The following TTLL10 variants were observed in gnomAD, a reference collection of about 807,000 sequenced individuals.
TTLL10 encodes the protein tubulin tyrosine ligase like 10, also known as inactive polyglycylase TTLL10.
A neutral mutation model predicts 69.0 loss-of-function variants in TTLL10; 61 were observed. The observed-to-expected ratio is 0.88, with a 90% CI of 0.72 to 1.09. TTLL10 has a LOEUF of 1.09. TTLL10 is among the 50% of genes least tolerant of loss of function. The probability of loss-of-function intolerance (pLI) is 0.00; values close to 1 mark genes in which losing one functional copy is unlikely to be tolerated. For synonymous variants in TTLL10, 408 were observed against 393.3 expected, an observed-to-expected ratio of 1.04 and a Z score of -0.44; for missense variants, 962 against 945.9, an observed-to-expected ratio of 1.02 and a Z score of -0.22.
Position 1,181,658 on chromosome 1 carries a change from C to T in TTLL10, c.756-83C>T. ...ACTCACAGTCCGCCCACTCACCACC[C>T]ATGCCCCATCCCCCAGTCCCCACCC... is the stretch of plus-strand genomic sequence containing the variant. On this transcript the variant is annotated intron_variant, in intron 8 of 15. Coordinates refer to ENST00000379289, the MANE Select transcript of TTLL10 (RefSeq NM_001130045.2). This position sits in a 1 kb window ranked among gnomAD's most constrained non-coding sequence, Gnocchi z 4.6. 3 of 1,313,572 alleles carry T rather than the reference C, an allele frequency of 2.3e-6. No homozygotes were observed. Among genetic ancestry groups the T allele is most frequent in the South Asian group, 2.7e-5 (2 of 74,210 alleles). 81.4% of individuals were successfully genotyped at this position (1,313,572 alleles called of 1,614,324 possible). A position where few individuals can be genotyped will look rare whatever the true frequency, so the allele number is the denominator to read the frequency against.
rs747044247 is a variant in TTLL10 at position 1,180,226 on chromosome 1, C to T, written c.392C>T (p.Ala131Val). 2 of 1,609,316 alleles carry T rather than the reference C, an allele frequency of 1.2e-6. No individual in the cohort carries two copies. The highest frequency in any genetic ancestry group is 1.1e-5 in the South Asian group (1 of 90,508). ...GCAGACTCGGATGACACTAACGCCG[C>T]CGGGCCCTCAGCTGCCCTCCTGGAG... The part of the protein sequence containing the change: ...RPADSDDTNA[A>V]GPSAALLEGL... Residue 131 changes from alanine to valine, a missense_variant, in exon 6 of 16, where the codon GCC (alanine) becomes GTC (valine). Physicochemically the swap from Ala to Val is moderately conservative, Grantham distance 64. Transcript: ENST00000379289.
intron 13 of TTLL10, among the ~76,000 whole-genome samples, chr1:1,195,707 T>G (rs1051130140): frequency 3.3e-5 from 5 of 151,806 alleles, no homozygotes; most frequent in African/African-American, 1.2e-4. Flanking sequence ...TGGCACAATC[T>G]CAGCTTACCA....
At chr1:1,182,474 C>A in intron 10 of TTLL10, 28 bp downstream of exon 10, 1 of 1,611,084 alleles carries the variant, frequency 6.2e-7, no homozygotes, top group Non-Finnish European at 8.5e-7. Context: ...GGACACCAGG[C>A]TGGCCCTGGG....
chr1:1,179,933 G>A, intron 5 of TTLL10, 101 bp from the exon 6 acceptor site: 4 of 1,441,114 alleles, frequency 2.8e-6, no homozygotes, highest in Admixed American at 2.8e-5. Flanking sequence ...GGATTGTCCA[G>A]GGTATTGGAG....
chr1:1,184,116 C>A (rs1405391816), intron 12 of TTLL10, 25 bp downstream of exon 12: 1 of 1,613,834 alleles, frequency 6.2e-7, no homozygotes. Flanking sequence ...GGTGAGGGCC[C>A]TCCCTGCAGC....
chr1:1,185,269 T>C lies in TTLL10; in HGVS notation c.1401+160T>C, dbSNP rs1230404550. 15 of 1,420,538 alleles carry C rather than the reference T, an allele frequency of 1.1e-5. No homozygotes were observed. The highest frequency in any genetic ancestry group is 1.4e-5 in the Non-Finnish European group (15 of 1,089,112). 88.0% of individuals were successfully genotyped at this position (1,420,538 alleles called of 1,614,324 possible). Reference sequence around the variant, plus strand: ...AACCAAACCCTTCCAGCGTCTCTGCTCACTTAGCTGGCAGTGCCTGTCCCC... The same window carrying C: ...AACCAAACCCTTCCAGCGTCTCTGCCCACTTAGCTGGCAGTGCCTGTCCCC... On this transcript the variant is annotated intron_variant, in intron 13 of 15. Coordinates refer to ENST00000379289, the MANE Select transcript of TTLL10 (RefSeq NM_001130045.2). This position sits in a 1 kb window ranked among gnomAD's most constrained non-coding sequence, Gnocchi z 6.1.
chr1:1,174,345 C>G (rs1269077263), intron 2 of TTLL10, 24 bp downstream of exon 2: 1 of 152,696 alleles, frequency 6.5e-6, no homozygotes. Flanking sequence ...TAGGGCCCCA[C>G]GTGGCCAAGC....
intron 13 of TTLL10, among the ~76,000 whole-genome samples, chr1:1,186,792 C>T (rs1387120912): frequency 6.6e-6 from 1 of 151,846 alleles, no homozygotes; most frequent in Non-Finnish European, 1.5e-5. Flanking sequence ...AATGTCTATT[C>T]AAACGCTGTG....
rs1647262601 is a variant in TTLL10 at position 1,185,622 on chromosome 1, C to T, written c.1401+513C>T. On this transcript the variant is annotated intron_variant, in intron 13 of 15. Transcript: ENST00000379289. This position sits in a 1 kb window ranked among gnomAD's most constrained non-coding sequence, Gnocchi z 6.1. ...TCAAACAGCCCTAGCAGCAAAGGCCCTTGAGCAGCGCGGTGTGAAACTGGG... is the reference window on the plus strand; with the variant it reads ...TCAAACAGCCCTAGCAGCAAAGGCCTTTGAGCAGCGCGGTGTGAAACTGGG... The T allele has an allele frequency of 2.0e-6, 2 of 987,190 alleles. No homozygotes were observed. The highest frequency in any genetic ancestry group is 2.4e-6 in the Non-Finnish European group (2 of 831,216). The allele number at this position is 987,190 out of a possible 1,614,324, so 61.2% of individuals were successfully genotyped here.
Position 1,185,129 on chromosome 1 carries a change from C to T in TTLL10, c.1401+20C>T. ...CTCAAGGTGCGTCCACTGTGCCCTCCAGTCTGGGAGTGAGATCCCTCGGGG... is the reference window on the plus strand; with the variant it reads ...CTCAAGGTGCGTCCACTGTGCCCTCTAGTCTGGGAGTGAGATCCCTCGGGG... On this transcript the variant is annotated intron_variant, in intron 13 of 15. Coordinates refer to ENST00000379289, the MANE Select transcript of TTLL10 (RefSeq NM_001130045.2). This position sits in a 1 kb window ranked among gnomAD's most constrained non-coding sequence, Gnocchi z 6.1. 6.2e-7 allele frequency: 1 copy of T among 1,608,854 alleles called. No individual in the cohort carries two copies. The highest frequency in any genetic ancestry group is 8.5e-7 in the Non-Finnish European group (1 of 1,176,882).
Position 1,180,716 on chromosome 1 carries a change from G to A in TTLL10, c.626-15G>A, listed in dbSNP as rs761759932. The A allele has an allele frequency of 8.1e-6, 13 of 1,600,156 alleles. No homozygotes were observed. The highest frequency in any genetic ancestry group is 5.1e-5 in the Admixed American group (3 of 59,018). ...CTGCGCTCCCTCCACACGAGCCCTG[G>A]CCTCTGACCTCCAGGAGAGCAGCTG... is the stretch of plus-strand genomic sequence containing the variant. On this transcript the variant is annotated splice_polypyrimidine_tract_variant and intron_variant, in intron 7 of 15. Coordinates refer to ENST00000379289, the MANE Select transcript of TTLL10 (RefSeq NM_001130045.2).
At position 1,194,784 on chromosome 1, in the gene TTLL10, G is replaced by A. The variant is rs563319570; in HGVS notation, c.1402-1816G>A. ...TGCTGATGAGGTGGTGGATCTCTGA[G>A]TTTATCCTACTTTGAGTTCATTGAG... is the stretch of plus-strand genomic sequence containing the variant. On this transcript the variant is annotated intron_variant, in intron 13 of 15. Transcript: ENST00000379289. Among the ~76,000 whole-genome samples, 8 of 152,256 alleles carry A rather than the reference G, an allele frequency of 5.3e-5. No homozygotes were observed. The East Asian group carries it at 1.5e-3, about 29-fold the overall frequency.
Position 1,185,945 on chromosome 1 carries a change from A to G in TTLL10, c.1401+836A>G, listed in dbSNP as rs1269408470. The G allele has an allele frequency of 1.6e-6, 1 of 632,352 alleles. No individual in the cohort carries two copies. Among genetic ancestry groups the G allele is most frequent in the African/African-American group, 2.0e-5 (1 of 50,252 alleles). The allele number at this position is 632,352 out of a possible 1,614,324, so 39.2% of individuals were successfully genotyped here. A position where few individuals can be genotyped will look rare whatever the true frequency, so the allele number is the denominator to read the frequency against. On this transcript the variant is annotated intron_variant, in intron 13 of 15. Coordinates refer to ENST00000379289, the MANE Select transcript of TTLL10 (RefSeq NM_001130045.2). This position sits in a 1 kb window ranked among gnomAD's most constrained non-coding sequence, Gnocchi z 6.1. ...TTCCAGAACATTTCATCACCTCAAA[A>G]AAGAAACACTACTAACGAGCCATCA...
At position 1,197,704 on chromosome 1, in the gene TTLL10, C is replaced by T; in HGVS notation, c.1879C>T (p.Pro627Ser). Reference protein sequence around the residue: ...LVPQRPRPPGPDLDSAHDGEP... With the variant: ...LVPQRPRPPGSDLDSAHDGEP... ...GCCGCAGCGTCCCCGGCCACCCGGC[C>T]CCGACCTGGACAGCGCCCACGATGG... is the stretch of plus-strand genomic sequence containing the variant. The change falls in exon 16 of 16, where the codon CCC becomes TCC. Residue 627 changes from proline (P) to serine (S), a missense_variant. Physicochemically the swap from Pro to Ser is moderately conservative, Grantham distance 74. Transcript: ENST00000379289. The T allele has an allele frequency of 6.6e-7, 1 of 1,520,292 alleles. No individual in the cohort carries two copies. The highest frequency in any genetic ancestry group is 1.2e-5 in the South Asian group (1 of 82,486). The allele number at this position is 1,520,292 out of a possible 1,614,324, so 94.2% of individuals were successfully genotyped here. A position where few individuals can be genotyped will look rare whatever the true frequency, so the allele number is the denominator to read the frequency against.
At chr1:1,183,869 G>T in intron 11 of TTLL10, 51 bp from the exon 12 acceptor site, 1 of 1,608,798 alleles carries the variant, frequency 6.2e-7, no homozygotes, top group Non-Finnish European at 8.5e-7. Flanking sequence ...GGGGATGCAG[G>T]CCAGGCTGGC....
chr1:1,179,207 C>G lies in TTLL10; in HGVS notation c.-9C>G, dbSNP rs1041525528. 1 of 1,535,802 alleles carries G rather than the reference C, an allele frequency of 6.5e-7. No individual in the cohort carries two copies. The highest frequency in any genetic ancestry group is 2.0e-5 in the Admixed American group (1 of 49,564). On this transcript the variant is annotated 5_prime_UTR_variant, in exon 4 of 16. Transcript: ENST00000379289. ...CCTTCAGGGCCCTCGCCCGGGCACC[C>G]CCCGGCCAATGGACCACAGCTGCAC...
At chr1:1,177,426 C>T (rs956759998) in intron 3 of TTLL10, among the ~76,000 whole-genome samples, 1 of 152,216 alleles carries the variant, frequency 6.6e-6, no homozygotes, top group African/African-American at 2.4e-5. Flanking sequence ...ATTCTCCTGC[C>T]TCAGCCCCTC....
At chr1:1,192,994 TATTA>T (rs1382014975) in intron 13 of TTLL10, among the ~76,000 whole-genome samples, 1 of 152,270 alleles carries the variant, frequency 6.6e-6, no homozygotes, top group Non-Finnish European at 1.5e-5. Flanking sequence ...CGTCAATGTC[TATTA>T]ATTGGAAAGT....
At chr1:1,182,740 T>G in intron 10 of TTLL10, 136 bp from the exon 11 acceptor site, 1 of 1,245,282 alleles carries the variant, frequency 8.0e-7, no homozygotes, top group Non-Finnish European at 1.1e-6. Context: ...GGGCCAGGCG[T>G]GTGGTTAGCG....
Sources: gnomAD v4.1 joint callset for allele counts (sites outside exome capture counted in the v4.1 genomes callset) on GRCh38, gnomAD v4.1.1 for gene constraint, Gnocchi (gnomAD v3.1) non-coding constraint, MANE v1.5 for transcripts, NCBI Gene and HGNC (gene_info 2026-07-23, HGNC 2026-07-21) for gene names.